The following FBN2 variants were observed in gnomAD, a reference collection of about 807,000 sequenced individuals.
FBN2 encodes fibrillin-2.
A neutral mutation model predicts 355.6 loss-of-function variants in FBN2; 105 were observed. The observed-to-expected ratio is 0.30, with a 90% CI of 0.25 to 0.35. The LOEUF is 0.35. Among genes scored for constraint, FBN2 ranks in the 10% least tolerant of loss-of-function variants. FBN2 has a pLI of 1.00. For missense variants in FBN2, 3,280 were observed against 3,758.7 expected (o/e 0.87, Z 3.33); for synonymous variants, 1,350 against 1,301.2 (o/e 1.04, Z -0.81).
At chr5:128,272,154 C>A (rs368777342) in intron 61 of FBN2, 36 bp from the exon 62 acceptor site, 122 of 1,613,048 alleles carry the variant, frequency 7.6e-5, no homozygotes, top group Non-Finnish European at 9.9e-5. Flanking sequence ...TTTATGTCAC[C>A]TTTCTTCTAC....
intron 33 of FBN2, among the ~76,000 whole-genome samples, chr5:128,329,584 C>T (rs1345020628): frequency 6.6e-6 from 1 of 152,164 alleles, no homozygotes; most frequent in East Asian, 1.9e-4. Flanking sequence ...GAGCCAGGAT[C>T]TGATTGCAGA....
chr5:128,424,915 C>G (rs1039121939), intron 7 of FBN2, among the ~76,000 whole-genome samples: 3 of 152,000 alleles, frequency 2.0e-5, no homozygotes, highest in Non-Finnish European at 4.4e-5. Context: ...CATAGTCAAA[C>G]AATATGAGTT....
At chr5:128,437,397 C>G (rs1753796300) in intron 7 of FBN2, among the ~76,000 whole-genome samples, 1 of 152,134 alleles carries the variant, frequency 6.6e-6, no homozygotes, top group Admixed American at 6.5e-5. Flanking sequence ...AGCATTAAAA[C>G]TCTTTTGTAA....
At chr5:128,263,930 G>A (rs1454742323) in intron 62 of FBN2, among the ~76,000 whole-genome samples, 1 of 152,136 alleles carries the variant, frequency 6.6e-6, no homozygotes, top group East Asian at 1.9e-4. Flanking sequence ...TTTGCCTAGT[G>A]AATAACTCTT....
intron 5 of FBN2, among the ~76,000 whole-genome samples, chr5:128,485,910 T>TA (rs1411132831): frequency 6.6e-6 from 1 of 152,176 alleles, no homozygotes; most frequent in African/African-American, 2.4e-5. Flanking sequence ...ATATTACACT[T>TA]TAAAAGATCC....
At chr5:128,269,365 G>A (rs1765206959) in intron 62 of FBN2, among the ~76,000 whole-genome samples, 1 of 150,692 alleles carries the variant, frequency 6.6e-6, no homozygotes, top group Admixed American at 6.6e-5. Context: ...CTACTAGGGA[G>A]GAGGTGGAAG....
intron 5 of FBN2, among the ~76,000 whole-genome samples, chr5:128,506,384 T>A (rs1193818491): frequency 6.6e-6 from 1 of 152,178 alleles, no homozygotes; most frequent in African/African-American, 2.4e-5. Flanking sequence ...GGCTTCTGCA[T>A]CTTTTGCAGA....
chr5:128,519,124 CA>C, intron 5 of FBN2, 148 bp downstream of exon 5: 1 of 712,028 alleles, frequency 1.4e-6, no homozygotes, highest in Non-Finnish European at 2.5e-6. Flanking sequence ...AGCTATGTCT[CA>C]AAATCTTACC....
At chr5:128,314,406 A>G (rs1409346679) in intron 36 of FBN2, among the ~76,000 whole-genome samples, 6 of 149,620 alleles carry the variant, frequency 4.0e-5, no homozygotes, top group Admixed American at 1.4e-4. Context: ...GCCCACTGCA[A>G]CCTCTGCCTC....
At chr5:128,290,945 T>A (rs1253818586) in intron 49 of FBN2, 61 bp from the exon 50 acceptor site, 1 of 1,507,294 alleles carries the variant, frequency 6.6e-7, no homozygotes, top group Non-Finnish European at 9.2e-7. Context: ...GGACAGAACA[T>A]TTCTCATTGT....
intron 6 of FBN2, among the ~76,000 whole-genome samples, chr5:128,463,994 A>G (rs757885802): frequency 2.6e-5 from 4 of 152,250 alleles, no homozygotes; most frequent in Non-Finnish European, 4.4e-5. Flanking sequence ...AGCTCTAAAA[A>G]TGGATTTAAG....
intron 41 of FBN2, among the ~76,000 whole-genome samples, chr5:128,307,970 A>G (rs1490663944): frequency 6.6e-6 from 1 of 152,142 alleles, no homozygotes; most frequent in African/African-American, 2.4e-5. Flanking sequence ...AGTATTGAGA[A>G]CAGATAGAAA....
intron 4 of FBN2, among the ~76,000 whole-genome samples, chr5:128,525,167 T>G (rs1756531214): frequency 6.6e-6 from 1 of 152,156 alleles, no homozygotes; most frequent in African/African-American, 2.4e-5. Context: ...GCAAATACTC[T>G]GAAAGATCAG....
chr5:128,395,094 C>T, intron 9 of FBN2, 28 bp downstream of exon 9: 1 of 1,613,354 alleles, frequency 6.2e-7, no homozygotes, highest in Non-Finnish European at 8.5e-7. Context: ...AGTGTCTGTG[C>T]TGAGGAGACT....
intron 34 of FBN2, among the ~76,000 whole-genome samples, chr5:128,319,310 CAT>C (rs1750301342): frequency 6.6e-6 from 1 of 151,546 alleles, no homozygotes; most frequent in South Asian, 2.1e-4. Flanking sequence ...TAAATATAAA[CAT>C]GTCAAAGAAA....
intron 5 of FBN2, among the ~76,000 whole-genome samples, chr5:128,513,890 CA>C (rs1416549831): frequency 2.0e-5 from 3 of 152,012 alleles, no homozygotes; most frequent in Non-Finnish European, 4.4e-5. Context: ...ATAAGGGTAT[CA>C]ACTGAGCTAG....
At chr5:128,351,086 T>TA (rs1238130334) in intron 20 of FBN2, 81 bp from the exon 21 acceptor site, 1 of 1,533,142 alleles carries the variant, frequency 6.5e-7, no homozygotes, top group Non-Finnish European at 9.0e-7. Context: ...AGGCATTTGT[T>TA]ACAGTATTCT....
At chr5:128,477,710 G>A (rs934219729) in intron 5 of FBN2, among the ~76,000 whole-genome samples, 1 of 152,138 alleles carries the variant, frequency 6.6e-6, no homozygotes, top group Non-Finnish European at 1.5e-5. Flanking sequence ...ATGCACAACA[G>A]ACCCCGAGTC....
chr5:128,503,944 C>T (rs1474370137), intron 5 of FBN2, among the ~76,000 whole-genome samples: 3 of 152,060 alleles, frequency 2.0e-5, no homozygotes, highest in Non-Finnish European at 4.4e-5. Flanking sequence ...GGTCCCCAGG[C>T]CCCCCACACT....
Sources: allele counts gnomAD v4.1 joint callset (sites outside exome capture counted in the v4.1 genomes callset), GRCh38; gene constraint gnomAD v4.1.1; transcripts MANE v1.5; gene names NCBI Gene and HGNC (gene_info 2026-07-23, HGNC 2026-07-21).